The following FGD4 variants were observed in gnomAD, a reference collection of about 807,000 sequenced individuals.
FGD4 encodes the protein FYVE, RhoGEF and PH domain containing 4.
A neutral mutation model predicts 102.0 loss-of-function variants in FGD4; 42 were observed. The ratio of observed to expected loss-of-function variants is 0.41; its 90% CI spans 0.32 to 0.53. The LOEUF is 0.53. FGD4 is among the 20% of genes least tolerant of loss of function. FGD4 has a pLI of 0.21. For missense variants in FGD4, 902 were observed against 1,078.2 expected, an observed-to-expected ratio of 0.84 and a Z score of 2.29; for synonymous variants, 380 against 375.7, an observed-to-expected ratio of 1.01 and a Z score of -0.13.
At chr12:32,550,030 G>A (rs1376017439) in intron 1 of FGD4, among the ~76,000 whole-genome samples, 2 of 152,082 alleles carry the variant, frequency 1.3e-5, no homozygotes, top group Admixed American at 6.6e-5. Flanking sequence ...AGCTGCAGTC[G>A]GCTGGGGATG....
intron 1 of FGD4, among the ~76,000 whole-genome samples, chr12:32,551,665 T>C (rs980200248): frequency 6.6e-6 from 1 of 152,212 alleles, no homozygotes; most frequent in African/African-American, 2.4e-5. Context: ...CAGCCGAATG[T>C]CATGCTTTTA....
chr12:32,536,261 G>T (rs780687895), intron 1 of FGD4, among the ~76,000 whole-genome samples: 1 of 152,150 alleles, frequency 6.6e-6, no homozygotes, highest in Non-Finnish European at 1.5e-5. Context: ...ACATCCAAAT[G>T]TACATGTAAC....
chr12:32,482,495 T>C (rs1321177326), intron 1 of FGD4, among the ~76,000 whole-genome samples: 3 of 152,202 alleles, frequency 2.0e-5, no homozygotes, highest in Admixed American at 1.3e-4. Context: ...TTCTTCTCAT[T>C]TGTACAGCGA....
At chr12:32,541,390 C>T (rs1942815888) in intron 1 of FGD4, among the ~76,000 whole-genome samples, 2 of 152,092 alleles carry the variant, frequency 1.3e-5, no homozygotes, top group Non-Finnish European at 1.5e-5. Flanking sequence ...TTTTTTGAGA[C>T]AGAGTCTCAC....
intron 1 of FGD4, among the ~76,000 whole-genome samples, chr12:32,489,768 G>A (rs990467499): frequency 2.0e-5 from 3 of 152,022 alleles, no homozygotes; most frequent in Non-Finnish European, 2.9e-5. Flanking sequence ...CCTATTTTTC[G>A]TGTGGAGAAA....
intron 1 of FGD4, among the ~76,000 whole-genome samples, chr12:32,481,808 A>C (rs1454257944): frequency 7.6e-6 from 1 of 131,994 alleles, no homozygotes; most frequent in Non-Finnish European, 1.7e-5. Context: ...GTGACAGAGC[A>C]AGACTGTCTC....
In FGD4 at chr12:32,624,472, C is replaced by T. The variant is rs773153085; in HGVS notation, c.1953+20C>T. On this transcript the variant is annotated intron_variant, in intron 12 of 16. Transcript: ENST00000534526. ...ATCAAGGTAAGCCTCATTTCTGTTT[C>T]CTTTTCTTTCTTTTTTTTTTTGAGG... 6.2e-5 allele frequency: 98 copies of T among 1,578,306 alleles called. No homozygotes were observed. Among genetic ancestry groups the T allele is most frequent in the Middle Eastern group, 2.2e-4 (1 of 4,646 alleles).
chr12:32,573,755 TA>T (rs769171861), intron 2 of FGD4, among the ~76,000 whole-genome samples: 4 of 152,214 alleles, frequency 2.6e-5, no homozygotes, highest in Non-Finnish European at 5.9e-5. Context: ...TCTGTGCTTC[TA>T]AAATACCTGT....
intron 1 of FGD4, among the ~76,000 whole-genome samples, chr12:32,432,840 T>C (rs1462908747): frequency 6.6e-6 from 1 of 152,192 alleles, no homozygotes; most frequent in Non-Finnish European, 1.5e-5. Context: ...ATTAATTGAA[T>C]GAGTGAGTGA....
intron 1 of FGD4, among the ~76,000 whole-genome samples, chr12:32,520,425 G>GTTTTTTT (rs572548423): frequency 8.6e-4 from 96 of 111,276 alleles, no homozygotes; most frequent in Non-Finnish European, 1.4e-3. Flanking sequence ...TCTATTGTGG[G>GTTTTTTT]TTTTTTTGTT....
At chr12:32,534,638 G>C (rs777834611) in intron 1 of FGD4, 10 of 506,516 alleles carry the variant, frequency 2.0e-5, no homozygotes, top group Non-Finnish European at 2.6e-5. Context: ...TGGTTTTCAA[G>C]TTCAAGATTA....
At chr12:32,573,137 A>C (rs61926172) in intron 2 of FGD4, among the ~76,000 whole-genome samples, 1,739 of 152,180 alleles carry the variant, frequency 0.011, 20 homozygotes, top group South Asian at 0.057. Context: ...ACTCTGTCGC[A>C]CAGGCTGGAG....
At chr12:32,531,934 TA>T (rs1481778949) in intron 1 of FGD4, among the ~76,000 whole-genome samples, 70 of 152,194 alleles carry the variant, frequency 4.6e-4, no homozygotes, top group African/African-American at 1.6e-3. Context: ...GAGTCAATCA[TA>T]ATTGTTATAT....
intron 1 of FGD4, among the ~76,000 whole-genome samples, chr12:32,468,145 C>CAT (rs1412393980): frequency 1.3e-5 from 2 of 152,084 alleles, no homozygotes; most frequent in African/African-American, 4.8e-5. Flanking sequence ...TGGACTCAAG[C>CAT]ATTCCTCCCA....
rs1951208663 is a variant in FGD4, at chr12:32,642,568, C to G, written c.*2035C>G. The G allele has an allele frequency of 6.6e-6, 1 of 152,016 alleles. No homozygotes were observed. Among genetic ancestry groups the G allele is most frequent in the Non-Finnish European group, 1.5e-5 (1 of 67,952 alleles). 9.4% of individuals were successfully genotyped at this position (152,016 alleles called of 1,614,324 possible). On this transcript the variant is annotated 3_prime_UTR_variant, in exon 17 of 17. Coordinates refer to ENST00000534526, the MANE Select transcript of FGD4 (RefSeq NM_001370298.3). ...CCAAAACAGAAGTAACATGGACACA[C>G]TTAAGTTTTGGCTCAATAAATATCA...
intron 1 of FGD4, among the ~76,000 whole-genome samples, chr12:32,439,053 T>G (rs1391669648): frequency 6.6e-6 from 1 of 152,228 alleles, no homozygotes; most frequent in Non-Finnish European, 1.5e-5. Context: ...TGTTGTACAA[T>G]AGATCTATTG....
intron 2 of FGD4, among the ~76,000 whole-genome samples, chr12:32,572,342 A>G (rs1228040617): frequency 6.6e-6 from 1 of 152,212 alleles, no homozygotes; most frequent in African/African-American, 2.4e-5. Flanking sequence ...TACTTGCTCT[A>G]GGGAGCTTAA....
chr12:32,597,202 A>G (rs1395393382), intron 4 of FGD4, among the ~76,000 whole-genome samples: 4 of 152,214 alleles, frequency 2.6e-5, no homozygotes, highest in Admixed American at 1.3e-4. Context: ...ATACAGCAAT[A>G]CAGAAGGTAA....
chr12:32,430,344 G>T (rs1942007070), intron 1 of FGD4, among the ~76,000 whole-genome samples: 1 of 151,980 alleles, frequency 6.6e-6, no homozygotes, highest in South Asian at 2.1e-4. Context: ...AGATTCTGGA[G>T]GTAGAAACAA....
Sources: gnomAD v4.1 joint callset for allele counts (sites outside exome capture counted in the v4.1 genomes callset) on GRCh38, gnomAD v4.1.1 for gene constraint, MANE v1.5 for transcripts, NCBI Gene and HGNC (gene_info 2026-07-23, HGNC 2026-07-21) for gene names.